NTN1: variants seen among roughly 807,000 people sequenced by gnomAD.
NTN1 encodes netrin-1.
Under a neutral mutation model 54.2 loss-of-function variants are expected in NTN1, and 11 were observed. The ratio of observed to expected loss-of-function variants is 0.20; its 90% CI spans 0.13 to 0.34. NTN1 has a LOEUF of 0.34. Ranked by LOEUF, NTN1 falls within the 10% of genes least tolerant of loss-of-function variation. The pLI is 1.00. For synonymous variants in NTN1, 371 were observed against 382.0 expected (o/e 0.97, Z 0.33); for missense variants, 740 against 893.1 (o/e 0.83, Z 2.18).
At position 9,202,072 on chromosome 17, in the gene NTN1, A is replaced by C. The variant is rs1364446383; in HGVS notation, c.1412-19096A>C. ...CACACACACAAAAAAAAAAAAAAAA[A>C]AAAAAAAAAAAAAAAAAACTTAGCC... On this transcript the variant is annotated intron_variant, in intron 5 of 6. Coordinates refer to ENST00000173229, the MANE Select transcript of NTN1 (RefSeq NM_004822.3). Among the ~76,000 whole-genome samples, 908 of 141,718 alleles carry C rather than the reference A, an allele frequency of 6.4e-3. 3 individuals carry two copies. The highest frequency in any genetic ancestry group is 0.014 in the Middle Eastern group (4 of 280). The allele number at this position is 141,718 out of a possible 152,430, so 93.0% of individuals were successfully genotyped here.
At chr17:9,069,168 G>A (rs1208987512) in intron 2 of NTN1, among the ~76,000 whole-genome samples, 8 of 151,852 alleles carry the variant, frequency 5.3e-5, no homozygotes, top group African/African-American at 1.9e-4. Context: ...ATCCCGTGGG[G>A]ATAAAAGCTG....
At chr17:9,089,372 G>A (rs141790918) in intron 2 of NTN1, among the ~76,000 whole-genome samples, 3,507 of 151,492 alleles carry the variant, frequency 0.023, 59 homozygotes, top group Middle Eastern at 0.058. Context: ...CCGAGATTGT[G>A]CCACTGTACT....
At chr17:9,188,027 G>A (rs2092438976) in intron 5 of NTN1, among the ~76,000 whole-genome samples, 1 of 152,210 alleles carries the variant, frequency 6.6e-6, no homozygotes, top group African/African-American at 2.4e-5. Flanking sequence ...CTGTTTAATA[G>A]GTACAGGTTT....
chr17:9,120,144 G>T (rs549242267), intron 2 of NTN1, among the ~76,000 whole-genome samples: 1 of 152,018 alleles, frequency 6.6e-6, no homozygotes, highest in Non-Finnish European at 1.5e-5. Flanking sequence ...AATTAGCTGG[G>T]CATGGTGGCG....
At position 9,221,454 on chromosome 17, in the gene NTN1, G is replaced by T. The variant is rs1905350951; in HGVS notation, c.1486+212G>T. On this transcript the variant is annotated intron_variant, in intron 6 of 6. Transcript: ENST00000173229. The surrounding 1 kb of genome is among the most constrained non-coding windows in gnomAD (Gnocchi z 4.5). Reference sequence around the variant, plus strand: ...GGGGCATGAGGAGCCCAGTGGCCTGGTTTCTCCCCTTCACCCTCCTGAGGC... The same window carrying T: ...GGGGCATGAGGAGCCCAGTGGCCTGTTTTCTCCCCTTCACCCTCCTGAGGC... Among the ~76,000 whole-genome samples, 2 of 152,186 alleles carry T rather than the reference G, an allele frequency of 1.3e-5. No homozygotes were observed. The highest frequency in any genetic ancestry group is 2.9e-5 in the Non-Finnish European group (2 of 68,020).
chr17:9,203,143 GATCTCCTGA>G (rs201031132), intron 5 of NTN1, among the ~76,000 whole-genome samples: 2,790 of 152,074 alleles, frequency 0.018, 84 homozygotes, highest in African/African-American at 0.063. Context: ...GGATGATCTC[GATCTCCTGA>G]CCTCGTGATC....
At chr17:9,231,297 G>GGC (rs1555579614) in intron 6 of NTN1, among the ~76,000 whole-genome samples, 1 of 149,286 alleles carries the variant, frequency 6.7e-6, no homozygotes, top group Non-Finnish European at 1.5e-5. Context: ...GGGGTACCCG[G>GGC]GGGGGGACCC....
intron 2 of NTN1, among the ~76,000 whole-genome samples, chr17:9,149,741 A>T (rs572028129): frequency 6.6e-6 from 1 of 152,082 alleles, no homozygotes; most frequent in African/African-American, 2.4e-5. Flanking sequence ...ACTGGGTGGG[A>T]TGGGGTGAGG....
At chr17:9,044,639 C>A (rs1229890815) in intron 2 of NTN1, among the ~76,000 whole-genome samples, 1 of 152,048 alleles carries the variant, frequency 6.6e-6, no homozygotes, top group African/African-American at 2.4e-5. Context: ...GAAGAGGAAT[C>A]CTGTTTGTAG....
intron 2 of NTN1, among the ~76,000 whole-genome samples, chr17:9,056,161 A>C (rs2091978816): frequency 6.6e-6 from 1 of 152,154 alleles, no homozygotes; most frequent in African/African-American, 2.4e-5. Context: ...GGTTCAAGCA[A>C]TTCTCCTGCC....
chr17:9,154,394 C>T (rs573645975), intron 2 of NTN1, among the ~76,000 whole-genome samples: 1 of 152,312 alleles, frequency 6.6e-6, no homozygotes, highest in Non-Finnish European at 1.5e-5. Flanking sequence ...TGAAGTAAAA[C>T]CTAAGTCTGG....
At chr17:9,180,697 G>A (rs1437982066) in intron 4 of NTN1, among the ~76,000 whole-genome samples, 1 of 152,186 alleles carries the variant, frequency 6.6e-6, no homozygotes, top group Non-Finnish European at 1.5e-5. Flanking sequence ...GAGGAGCTGG[G>A]CAGGGCTTCC....
At chr17:9,110,910 G>C (rs751665694) in intron 2 of NTN1, among the ~76,000 whole-genome samples, 1 of 151,094 alleles carries the variant, frequency 6.6e-6, no homozygotes, top group South Asian at 2.1e-4. Context: ...TTGGGTTTAG[G>C]GACCACCTTA....
intron 5 of NTN1, among the ~76,000 whole-genome samples, chr17:9,209,189 A>G (rs2142344713): frequency 6.6e-6 from 1 of 152,184 alleles, no homozygotes; most frequent in East Asian, 1.9e-4. Flanking sequence ...TCACTACCAC[A>G]TTTTACTGAT....
At chr17:9,050,281 T>C (rs1331269430) in intron 2 of NTN1, among the ~76,000 whole-genome samples, 4 of 150,990 alleles carry the variant, frequency 2.6e-5, no homozygotes. Flanking sequence ...AAAATAAAAA[T>C]AAATAATAAC....
chr17:9,006,449 A>G, the NTN1 span, among the ~76,000 whole-genome samples: 1 of 152,136 alleles, frequency 6.6e-6, no homozygotes. Context: ...CTGAGCGAGG[A>G]CACCCAGTGC....
chr17:9,135,149 C>T lies in NTN1; in HGVS notation c.1019-27664C>T, dbSNP rs376303328. ...GCCCCTGATGCTCCCGGCCCATCCT[C>T]CCTTCTCTACCCCATTCCTTTGTCT... On this transcript the variant is annotated intron_variant, in intron 2 of 6. Coordinates refer to ENST00000173229, the MANE Select transcript of NTN1 (RefSeq NM_004822.3). This position sits in a 1 kb window ranked among gnomAD's most constrained non-coding sequence, Gnocchi z 4.4. 2.0e-5 allele frequency among the ~76,000 whole-genome samples: 3 copies of T among 152,152 alleles called. No homozygotes were observed. Among genetic ancestry groups the T allele is most frequent in the African/African-American group, 4.8e-5 (2 of 41,430 alleles).
At chr17:9,114,166 A>AAAAATATATATATAT (rs1555569108) in intron 2 of NTN1, among the ~76,000 whole-genome samples, 1 of 74,658 alleles carries the variant, frequency 1.3e-5, no homozygotes, top group African/African-American at 5.8e-5. Flanking sequence ...AAAAAAAAAA[A>AAAAATATATATATAT]ATATATATAT....
At chr17:9,063,189 C>T (rs771224101) in intron 2 of NTN1, among the ~76,000 whole-genome samples, 28 of 149,264 alleles carry the variant, frequency 1.9e-4, no homozygotes, top group Admixed American at 2.6e-4. Context: ...CTCCACCTCC[C>T]GGGTTCAAGT....
Sources: gnomAD v4.1 joint callset for allele counts (sites outside exome capture counted in the v4.1 genomes callset) on GRCh38, gnomAD v4.1.1 for gene constraint, Gnocchi (gnomAD v3.1) non-coding constraint, MANE v1.5 for transcripts, NCBI Gene and HGNC (gene_info 2026-07-23, HGNC 2026-07-21) for gene names.